TMEM131: variants seen among roughly 807,000 people sequenced by gnomAD.
The protein encoded by TMEM131 is 2610524E03Rik.
In TMEM131, 66 loss-of-function variants were observed where a neutral mutation model predicts 211.6. The ratio of observed to expected loss-of-function variants is 0.31; its 90% CI spans 0.26 to 0.38. The LOEUF is 0.38. TMEM131 is among the 10% of genes least tolerant of loss of function. TMEM131 has a pLI of 1.00. For synonymous variants in TMEM131, 844 were observed against 841.3 expected (o/e 1.00, Z -0.06); for missense variants, 2,036 against 2,299.3 (o/e 0.89, Z 2.34).
chr2:97,796,708 G>T, intron 27 of TMEM131, 136 bp downstream of exon 27: 1 of 915,358 alleles, frequency 1.1e-6, no homozygotes. Flanking sequence ...ACACAACATG[G>T]AATTTCCTTA....
intron 1 of TMEM131, among the ~76,000 whole-genome samples, chr2:97,971,990 T>C (rs1241658823): frequency 6.6e-6 from 1 of 152,148 alleles, no homozygotes; most frequent in Non-Finnish European, 1.5e-5. Flanking sequence ...GGTGGATCAC[T>C]TGAGGTCAGG....
chr2:97,995,462 C>G lies in TMEM131; in HGVS notation c.187+14G>C. ...GACAGCCCCGCCGCAGGGACGCCGC[C>G]GGGGGACACCCACCTTCCTTCTCGG... is the stretch of plus-strand genomic sequence containing the variant. On this transcript the variant is annotated intron_variant, in intron 1 of 40. Transcript: ENST00000186436. 7.2e-7 allele frequency: 1 copy of G among 1,381,362 alleles called. No individual in the cohort carries two copies. The highest frequency in any genetic ancestry group is 9.4e-7 in the Non-Finnish European group (1 of 1,062,884). The allele number at this position is 1,381,362 out of a possible 1,614,324, so 85.6% of individuals were successfully genotyped here. A position where few individuals can be genotyped will look rare whatever the true frequency, so the allele number is the denominator to read the frequency against.
At chr2:97,860,545 C>T (rs59562515) in intron 4 of TMEM131, among the ~76,000 whole-genome samples, 2,692 of 152,308 alleles carry the variant, frequency 0.018, 114 homozygotes, top group East Asian at 0.15. Context: ...TTTTATATTT[C>T]GTTCAACTGT....
intron 31 of TMEM131, among the ~76,000 whole-genome samples, chr2:97,791,929 T>C (rs1012074345): frequency 1.3e-5 from 2 of 152,216 alleles, no homozygotes; most frequent in Admixed American, 6.5e-5. Flanking sequence ...CAAATGAGCA[T>C]GGTTCTATTC....
intron 3 of TMEM131, among the ~76,000 whole-genome samples, chr2:97,899,833 G>C (rs1354646943): frequency 6.6e-6 from 1 of 152,014 alleles, no homozygotes; most frequent in Non-Finnish European, 1.5e-5. Context: ...ACACATTGTA[G>C]AATGGCTACA....
chr2:97,917,115 T>G (rs998426511), intron 2 of TMEM131, among the ~76,000 whole-genome samples: 1 of 152,194 alleles, frequency 6.6e-6, no homozygotes, highest in Non-Finnish European at 1.5e-5. Flanking sequence ...AGAAAAGAAG[T>G]TGGTAATCTA....
At chr2:97,840,710 A>G (rs568615688) in intron 7 of TMEM131, among the ~76,000 whole-genome samples, 106 of 152,334 alleles carry the variant, frequency 7.0e-4, no homozygotes, top group Non-Finnish European at 1.2e-3. Flanking sequence ...AAACAACAGA[A>G]GGATGGTGAG....
chr2:97,971,008 A>G (rs916955882), intron 1 of TMEM131, among the ~76,000 whole-genome samples: 4 of 152,192 alleles, frequency 2.6e-5, no homozygotes, highest in African/African-American at 7.2e-5. Flanking sequence ...TTCACCTTGC[A>G]CATTAACTTC....
rs1680484067 is a variant in TMEM131 at position 97,995,749 on chromosome 2, T to A, written c.-87A>T. The A allele has an allele frequency of 9.7e-7, 1 of 1,029,600 alleles. No homozygotes were observed. The highest frequency in any genetic ancestry group is 1.7e-5 in the African/African-American group (1 of 58,970). 63.8% of individuals were successfully genotyped at this position (1,029,600 alleles called of 1,614,324 possible). On this transcript the variant is annotated 5_prime_UTR_variant, in exon 1 of 41. Coordinates refer to ENST00000186436, the MANE Select transcript of TMEM131 (RefSeq NM_015348.2). ...GCGGCGCGGAAGCCGTGGTCCGGGC[T>A]CTGGCCGCGGCGCCGGGAGCGACAA...
At chr2:97,830,867 A>T (rs1682649098) in intron 11 of TMEM131, among the ~76,000 whole-genome samples, 2 of 152,234 alleles carry the variant, frequency 1.3e-5, no homozygotes, top group Non-Finnish European at 2.9e-5. Context: ...AATTCCCTGA[A>T]GGGGAATTTA....
chr2:97,774,030 G>A (rs1679592737), intron 32 of TMEM131, among the ~76,000 whole-genome samples: 2 of 152,182 alleles, frequency 1.3e-5, no homozygotes. Flanking sequence ...ATCTACCCAA[G>A]AGCTTTAAAA....
intron 4 of TMEM131, among the ~76,000 whole-genome samples, chr2:97,887,347 A>T (rs1675203625): frequency 6.6e-6 from 1 of 152,036 alleles, no homozygotes; most frequent in South Asian, 2.1e-4. Flanking sequence ...GCTGGTCTGG[A>T]GGTGTGTCTG....
intron 35 of TMEM131, chr2:97,763,730 G>A (rs1679000689): frequency 6.6e-6 from 1 of 152,280 alleles, no homozygotes; most frequent in Non-Finnish European, 1.5e-5. Flanking sequence ...TCCGTTTTGT[G>A]TGCGCTCGAT....
intron 2 of TMEM131, among the ~76,000 whole-genome samples, chr2:97,909,066 G>A (rs1419285825): frequency 1.3e-5 from 2 of 152,146 alleles, no homozygotes; most frequent in Non-Finnish European, 2.9e-5. Context: ...AGTGGGTGGT[G>A]TGTGTGAGGG....
At chr2:97,815,417 AT>A in intron 12 of TMEM131, 110 bp from the exon 13 acceptor site, 2 of 593,508 alleles carry the variant, frequency 3.4e-6, no homozygotes, top group Non-Finnish European at 5.6e-6. Flanking sequence ...GAGCTTCCAA[AT>A]TGGCCAACAG....
intron 1 of TMEM131, among the ~76,000 whole-genome samples, chr2:97,960,028 T>G (rs1315756783): frequency 6.6e-6 from 1 of 152,212 alleles, no homozygotes; most frequent in Non-Finnish European, 1.5e-5. Context: ...AGAAATGACA[T>G]GCAACCCTAA....
chr2:97,955,358 C>T (rs151115051), intron 1 of TMEM131, among the ~76,000 whole-genome samples: 2,080 of 152,124 alleles, frequency 0.014, 18 homozygotes, highest in Middle Eastern at 0.048. Flanking sequence ...AAATCTATAC[C>T]TTAATGGTGA....
intron 31 of TMEM131, among the ~76,000 whole-genome samples, chr2:97,777,488 G>A (rs1355368568): frequency 6.6e-6 from 1 of 151,902 alleles, no homozygotes; most frequent in African/African-American, 2.4e-5. Flanking sequence ...TGAAGTGGTC[G>A]AAAAAAAGAC....
chr2:97,780,017 C>T (rs1679921060), intron 31 of TMEM131, among the ~76,000 whole-genome samples: 1 of 151,582 alleles, frequency 6.6e-6, no homozygotes, highest in African/African-American at 2.4e-5. Flanking sequence ...GAGACCTTTT[C>T]TCCAAAAAAA....
Sources: gnomAD v4.1 joint callset for allele counts (sites outside exome capture counted in the v4.1 genomes callset) on GRCh38, gnomAD v4.1.1 for gene constraint, MANE v1.5 for transcripts, NCBI Gene and HGNC (gene_info 2026-07-23, HGNC 2026-07-21) for gene names.